The following CCSER1 variants were observed in gnomAD, a reference collection of about 807,000 sequenced individuals.
CCSER1 encodes coiled-coil serine rich protein 1, also known as serine-rich coiled-coil domain-containing protein 1.
CCSER1 carries 41 observed loss-of-function variants against 82.0 expected under a neutral mutation model. The ratio of observed to expected loss-of-function variants is 0.50; its 90% CI spans 0.39 to 0.65. CCSER1 has a LOEUF of 0.65. CCSER1 is among the 30% of genes least tolerant of loss of function. The pLI is 0.00. For synonymous variants in CCSER1, 414 were observed against 383.9 expected (o/e 1.08, Z -0.92); for missense variants, 1,119 against 1,064.2 (o/e 1.05, Z -0.72).
At chr4:91,533,136 A>C (rs1761119908) in intron 10 of CCSER1, among the ~76,000 whole-genome samples, 1 of 152,192 alleles carries the variant, frequency 6.6e-6, no homozygotes, top group African/African-American at 2.4e-5. Context: ...TAGATTATTT[A>C]ATCAATGTAC....
chr4:91,009,510 C>T (rs1253375948), intron 9 of CCSER1, among the ~76,000 whole-genome samples: 2 of 152,154 alleles, frequency 1.3e-5, no homozygotes, highest in African/African-American at 4.8e-5. Flanking sequence ...CTAAGAAATC[C>T]AGCTAGTCCT....
intron 8 of CCSER1, among the ~76,000 whole-genome samples, chr4:90,860,105 G>A (rs919306628): frequency 6.6e-6 from 1 of 151,582 alleles, no homozygotes; most frequent in African/African-American, 2.4e-5. Flanking sequence ...TCATGTATCT[G>A]ATAAGAGACT....
At chr4:91,542,171 T>C (rs1413872555) in intron 10 of CCSER1, among the ~76,000 whole-genome samples, 11 of 152,344 alleles carry the variant, frequency 7.2e-5, no homozygotes, top group Admixed American at 6.5e-4. Context: ...TCTCCCATTC[T>C]GTAGGTTGCC....
At chr4:90,623,417 G>A (rs533412521) in intron 5 of CCSER1, among the ~76,000 whole-genome samples, 4 of 152,048 alleles carry the variant, frequency 2.6e-5, no homozygotes, top group Admixed American at 6.5e-5. Context: ...ACATTTCAGC[G>A]CCTGAATGAA....
intron 1 of CCSER1, among the ~76,000 whole-genome samples, chr4:90,227,347 A>G (rs1349367601): frequency 1.3e-5 from 2 of 152,212 alleles, no homozygotes; most frequent in African/African-American, 4.8e-5. Context: ...TAAATCACCA[A>G]CTTTATACTT....
chr4:90,809,754 TG>T (rs1758005168), intron 7 of CCSER1, among the ~76,000 whole-genome samples: 1 of 151,774 alleles, frequency 6.6e-6, no homozygotes, highest in Non-Finnish European at 1.5e-5. Flanking sequence ...TAGTTGGATG[TG>T]GTGGTGCATG....
At chr4:91,005,453 C>A (rs1023473180) in intron 9 of CCSER1, among the ~76,000 whole-genome samples, 4 of 151,896 alleles carry the variant, frequency 2.6e-5, no homozygotes, top group African/African-American at 7.3e-5. Flanking sequence ...TTTACAATTT[C>A]ATGAGAAGGG....
At chr4:91,093,650 C>G (rs1346381021) in intron 10 of CCSER1, among the ~76,000 whole-genome samples, 1 of 152,224 alleles carries the variant, frequency 6.6e-6, no homozygotes, top group Admixed American at 6.5e-5. Context: ...GGCCACTGGT[C>G]TTGGCCAGGG....
intron 10 of CCSER1, among the ~76,000 whole-genome samples, chr4:91,182,668 A>G (rs920730130): frequency 1.1e-4 from 16 of 152,346 alleles, no homozygotes; most frequent in African/African-American, 3.8e-4. Context: ...ATCTGTTTTA[A>G]TAGAAGCTGG....
chr4:90,226,431 G>A (rs1743168898), intron 1 of CCSER1, among the ~76,000 whole-genome samples: 1 of 152,208 alleles, frequency 6.6e-6, no homozygotes, highest in Non-Finnish European at 1.5e-5. Context: ...GCAAGGTGAG[G>A]TTCTAGTTCC....
chr4:90,240,679 G>A (rs151014788), intron 1 of CCSER1, among the ~76,000 whole-genome samples: 2 of 152,296 alleles, frequency 1.3e-5, no homozygotes, highest in East Asian at 3.9e-4. Context: ...AGCACACATT[G>A]CCTTACATTT....
At chr4:91,159,039 C>T (rs1434423324) in intron 10 of CCSER1, among the ~76,000 whole-genome samples, 3 of 151,894 alleles carry the variant, frequency 2.0e-5, no homozygotes, top group Admixed American at 1.3e-4. Context: ...GATCATATTT[C>T]TCCCCTCCTT....
intron 5 of CCSER1, among the ~76,000 whole-genome samples, chr4:90,619,555 G>A (rs1456650708): frequency 1.3e-5 from 2 of 152,034 alleles, no homozygotes; most frequent in Admixed American, 6.6e-5. Context: ...GTAAATAAGA[G>A]TTTGATTTAT....
chr4:91,436,872 A>G (rs1211538002), intron 10 of CCSER1, among the ~76,000 whole-genome samples: 1 of 152,212 alleles, frequency 6.6e-6, no homozygotes, highest in Non-Finnish European at 1.5e-5. Context: ...AATTTCCAAA[A>G]GTATTTATTG....
Position 90,994,601 on chromosome 4 carries a change from T to A in CCSER1, c.2172+71154T>A, listed in dbSNP as rs566060333. On this transcript the variant is annotated intron_variant, in intron 9 of 10. Coordinates refer to ENST00000509176, the MANE Select transcript of CCSER1 (RefSeq NM_001145065.2). ...TGAGTCTATTTTCAATTCCATTTTT[T>A]AAAAAAACTGATTAGGTAAATGTAG... Among the ~76,000 whole-genome samples, 93 of 151,888 alleles carry A rather than the reference T, an allele frequency of 6.1e-4. 1 individual carries two copies. The Middle Eastern group carries it at 0.01, about 17-fold the overall frequency.
chr4:90,191,295 TG>T (rs1486757979), intron 1 of CCSER1, among the ~76,000 whole-genome samples: 1 of 150,762 alleles, frequency 6.6e-6, no homozygotes, highest in Non-Finnish European at 1.5e-5. Context: ...AATCTGAGTA[TG>T]GGGGCGGGGG....
chr4:91,507,459 C>T (rs1240711571), intron 10 of CCSER1, among the ~76,000 whole-genome samples: 4 of 151,958 alleles, frequency 2.6e-5, no homozygotes, highest in South Asian at 2.1e-4. Context: ...GACAGAGTAT[C>T]GCTCTGTTGC....
At chr4:90,386,151 A>T (rs1333564420) in intron 3 of CCSER1, among the ~76,000 whole-genome samples, 1 of 152,236 alleles carries the variant, frequency 6.6e-6, no homozygotes, top group Non-Finnish European at 1.5e-5. Flanking sequence ...AGAATTAGAA[A>T]AAACAATCCT....
intron 5 of CCSER1, among the ~76,000 whole-genome samples, chr4:90,535,920 CTG>C: frequency 6.6e-6 from 1 of 152,026 alleles, no homozygotes; most frequent in Admixed American, 6.5e-5. Context: ...GAGATGGAGA[CTG>C]TAGTTAAATG....
Sources: allele counts gnomAD v4.1 joint callset (sites outside exome capture counted in the v4.1 genomes callset), GRCh38; gene constraint gnomAD v4.1.1; transcripts MANE v1.5; gene names NCBI Gene and HGNC (gene_info 2026-07-23, HGNC 2026-07-21).